The following DYSF variants were observed in gnomAD, a reference collection of about 807,000 sequenced individuals.
DYSF encodes the protein dysferlin.
Under a neutral mutation model 274.9 loss-of-function variants are expected in DYSF, and 212 were observed. The ratio of observed to expected loss-of-function variants is 0.77; its 90% CI spans 0.69 to 0.86. DYSF has a LOEUF of 0.86. DYSF is among the 40% of genes least tolerant of loss of function. The pLI is 0.00. For synonymous variants in DYSF, 1,091 were observed against 1,078.7 expected, an observed-to-expected ratio of 1.01 and a Z score of -0.22; for missense variants, 2,666 against 2,783.2, an observed-to-expected ratio of 0.96 and a Z score of 0.95.
At chr2:71,677,856 G>T (rs2095246054) in intron 52 of DYSF, among the ~76,000 whole-genome samples, 1 of 152,146 alleles carries the variant, frequency 6.6e-6, no homozygotes, top group Non-Finnish European at 1.5e-5. Flanking sequence ...GTACCCCAAA[G>T]AATTGAAAAC....
rs1047689318 is a variant in DYSF, at chr2:71,585,942, G to A, written c.3403-3651G>A. 4.9e-4 allele frequency among the ~76,000 whole-genome samples: 74 copies of A among 152,276 alleles called. 1 individual carries two copies. The highest frequency in any genetic ancestry group is 5.3e-4 in the Non-Finnish European group (36 of 68,012). ...TGATAAGACTGCACAGAAACGTCAG[G>A]GGACACATGGGGCAAGGGCCTGGGG... On this transcript the variant is annotated intron_variant, in intron 30 of 55. Transcript: ENST00000410020.
chr2:71,479,179 T>A (rs1450494385), intron 1 of DYSF, among the ~76,000 whole-genome samples: 1 of 150,938 alleles, frequency 6.6e-6, no homozygotes, highest in African/African-American at 2.4e-5. Context: ...AAATAAAAGT[T>A]CTGTGTCAGG....
At chr2:71,554,761 G>A (rs913868733) in intron 21 of DYSF, among the ~76,000 whole-genome samples, 2 of 152,222 alleles carry the variant, frequency 1.3e-5, no homozygotes, top group Non-Finnish European at 2.9e-5. Flanking sequence ...CTGTTTTGGA[G>A]GTGAGGAGGA....
chr2:71,543,364 C>T, intron 17 of DYSF, among the ~76,000 whole-genome samples: 1 of 150,684 alleles, frequency 6.6e-6, no homozygotes, highest in Non-Finnish European at 1.5e-5. Flanking sequence ...AGAGACGCTC[C>T]TCACTTCCCA....
intron 4 of DYSF, among the ~76,000 whole-genome samples, chr2:71,510,491 T>A (rs1398208676): frequency 1.3e-5 from 2 of 152,226 alleles, no homozygotes; most frequent in African/African-American, 4.8e-5. Context: ...GACCTCCTCC[T>A]GGGTCTCCTG....
At chr2:71,585,187 C>T (rs1048052548) in intron 30 of DYSF, among the ~76,000 whole-genome samples, 18 of 152,224 alleles carry the variant, frequency 1.2e-4, no homozygotes, top group African/African-American at 2.7e-4. Flanking sequence ...GCTAAACATC[C>T]TACGACGCAC....
intron 27 of DYSF, 37 bp downstream of exon 27, chr2:71,569,971 AT>A (rs761998838): frequency 6.3e-7 from 1 of 1,590,434 alleles, no homozygotes; most frequent in East Asian, 2.2e-5. Flanking sequence ...GGGTCTAGAC[AT>A]TTGGTCTCTG....
intron 1 of DYSF, among the ~76,000 whole-genome samples, chr2:71,472,240 A>G (rs535478226): frequency 1.3e-5 from 2 of 152,286 alleles, no homozygotes; most frequent in South Asian, 4.1e-4. Context: ...ATACCAGAAG[A>G]TGAATTGCTA....
intron 30 of DYSF, among the ~76,000 whole-genome samples, chr2:71,587,019 T>C (rs981591987): frequency 1.3e-5 from 2 of 152,204 alleles, no homozygotes; most frequent in East Asian, 3.9e-4. Context: ...TCACGCACTG[T>C]TGCACCTGCG....
At chr2:71,520,648 T>C (rs2087158555) in intron 11 of DYSF, 141 bp from the exon 12 acceptor site, 1 of 747,436 alleles carries the variant, frequency 1.3e-6, no homozygotes, top group African/African-American at 1.7e-5. Context: ...TACCTTTTGA[T>C]TCTAGAATCT....
Position 71,570,630 on chromosome 2 carries a change from GC to G in DYSF, c.3118del (p.Arg1040GlyfsTer35). 1 of 1,614,102 alleles carries G rather than the reference GC, an allele frequency of 6.2e-7. No individual in the cohort carries two copies. Among genetic ancestry groups the G allele is most frequent in the South Asian group, 1.1e-5 (1 of 91,086 alleles). On this transcript the variant is annotated frameshift_variant, in exon 29 of 56. Transcript: ENST00000410020. LOFTEE classifies it high-confidence loss of function. The part of the protein sequence containing the change: ...WEYSITIPPE[R>X]KPKHWVPAEK... ...AGTATAGCATCACCATCCCCCCGGA[GC>G]GGAAGCCGAAGCACTGGGTCCCTGC...
At chr2:71,653,559 G>A (rs2094705976) in intron 42 of DYSF, among the ~76,000 whole-genome samples, 1 of 149,854 alleles carries the variant, frequency 6.7e-6, no homozygotes, top group Non-Finnish European at 1.5e-5. Context: ...CTATCGCAAG[G>A]ACAAAAAACC....
rs2152861706 is a variant in DYSF at position 71,602,762 on chromosome 2, T to C, written c.3928-14T>C. On this transcript the variant is annotated splice_polypyrimidine_tract_variant and intron_variant, in intron 35 of 55. Transcript: ENST00000410020. ...CATCTCCTGGATGTGCCACATCCCA[T>C]GGCTGTGGGCCAGGTGCAGGAGACA... The C allele has an allele frequency of 1.9e-6, 3 of 1,612,808 alleles. No homozygotes were observed. Among genetic ancestry groups the C allele is most frequent in the Non-Finnish European group, 2.5e-6 (3 of 1,179,714 alleles).
chr2:71,656,069 A>C, intron 42 of DYSF, 93 bp from the exon 43 acceptor site: 1 of 1,477,096 alleles, frequency 6.8e-7, no homozygotes, highest in Non-Finnish European at 9.4e-7. Context: ...TCACACTGTC[A>C]TGTTTCCCCT....
At chr2:71,510,217 G>C (rs2085945017) in intron 4 of DYSF, among the ~76,000 whole-genome samples, 2 of 152,196 alleles carry the variant, frequency 1.3e-5, no homozygotes, top group Admixed American at 1.3e-4. Context: ...CTTACCTTTT[G>C]CTGAAGTGGA....
chr2:71,544,257 A>C (rs541241751), intron 17 of DYSF, among the ~76,000 whole-genome samples: 2 of 151,984 alleles, frequency 1.3e-5, no homozygotes, highest in South Asian at 4.2e-4. Context: ...TCTCTCACAG[A>C]TAGGGTGTGT....
intron 52 of DYSF, among the ~76,000 whole-genome samples, chr2:71,678,210 G>A (rs1289572236): frequency 6.6e-6 from 1 of 152,166 alleles, no homozygotes; most frequent in Non-Finnish European, 1.5e-5. Context: ...AAGTACGTAT[G>A]TGTGGAGTTT....
chr2:71,642,870 A>G (rs932264666), intron 41 of DYSF, among the ~76,000 whole-genome samples: 1 of 151,958 alleles, frequency 6.6e-6, no homozygotes, highest in African/African-American at 2.4e-5. Context: ...ATTTTCAGAA[A>G]CTCTGTGATA....
chr2:71,568,019 C>G lies in DYSF; in HGVS notation c.2634C>G (p.Leu878=). 1 of 1,614,142 alleles carries G rather than the reference C, an allele frequency of 6.2e-7. No homozygotes were observed. ...TACGGGTCAAGCTGTGGTTTGGGCT[C>G]TCAGTGGATGAGAAGGAGTTCAACC... The part of the protein sequence containing the change: ...VQIRVKLWFG[L]SVDEKEFNQF... Residue 878 remains leucine (L), a synonymous_variant, in exon 25 of 56, where the codon CTC becomes CTG. Transcript: ENST00000410020.
Sources: allele counts gnomAD v4.1 joint callset (sites outside exome capture counted in the v4.1 genomes callset), GRCh38; gene constraint gnomAD v4.1.1; transcripts MANE v1.5; gene names NCBI Gene and HGNC (gene_info 2026-07-23, HGNC 2026-07-21).